ARAP2: variants seen among roughly 807,000 people sequenced by gnomAD.
ARAP2 encodes arf-GAP with Rho-GAP domain, ANK repeat and PH domain-containing protein 2.
ARAP2 carries 148 observed loss-of-function variants against 194.5 expected under a neutral mutation model. The ratio of observed to expected loss-of-function variants is 0.76; its 90% confidence interval spans 0.67 to 0.87. The LOEUF (loss-of-function observed/expected upper bound fraction) is 0.87, where lower values mean the gene tolerates loss of function less well. Among genes scored for constraint, ARAP2 ranks in the 40% least tolerant of loss-of-function variants. ARAP2 has a pLI of 0.00. For synonymous variants in ARAP2, 695 were observed against 683.5 expected (o/e 1.02, Z -0.26); for missense variants, 2,128 against 1,989.7 (o/e 1.07, Z -1.32).
chr4:36,219,067 AAAC>A (rs1265590778), intron 2 of ARAP2, among the ~76,000 whole-genome samples: 3 of 152,328 alleles, frequency 2.0e-5, no homozygotes, highest in African/African-American at 7.2e-5. Context: ...GGCTAACAAA[AAAC>A]ACACAAATGT....
Position 36,133,258 on chromosome 4 carries a change from A to G in ARAP2, c.3395T>C (p.Val1132Ala), listed in dbSNP as rs1725855357. 4.3e-6 allele frequency: 7 copies of G among 1,611,066 alleles called. No homozygotes were observed. The highest frequency in any genetic ancestry group is 5.9e-6 in the Non-Finnish European group (7 of 1,178,110). The change falls in exon 20 of 33, where the codon GTG becomes GCG. Residue 1132 changes from valine to alanine, a missense_variant. Physicochemically the swap from Val to Ala is moderately conservative, Grantham distance 64. Coordinates refer to ENST00000303965, the MANE Select transcript of ARAP2 (RefSeq NM_015230.4). ...TGTAACAAATGCTATACAGCTGTTCACTATAATGGGAACGTCATTTTTGCT... is the reference window on the plus strand; with the variant it reads ...TGTAACAAATGCTATACAGCTGTTCGCTATAATGGGAACGTCATTTTTGCT... ...QLSKNDVPII[V>A]NSCIAFVTQY...
intron 1 of ARAP2, among the ~76,000 whole-genome samples, chr4:36,238,811 C>T (rs949972668): frequency 6.6e-6 from 1 of 152,150 alleles, no homozygotes; most frequent in Non-Finnish European, 1.5e-5. Context: ...TCTATCACTG[C>T]AGAAAGACAG....
At chr4:36,115,817 T>C (rs1348413202) in intron 25 of ARAP2, among the ~76,000 whole-genome samples, 2 of 152,042 alleles carry the variant, frequency 1.3e-5, no homozygotes, top group African/African-American at 4.8e-5. Context: ...TGGTTTTAAA[T>C]AGTTTTTGTT....
intron 6 of ARAP2, among the ~76,000 whole-genome samples, chr4:36,201,433 A>T (rs948126310): frequency 3.3e-5 from 5 of 152,222 alleles, no homozygotes; most frequent in Admixed American, 2.6e-4. Flanking sequence ...TCCTTCAGGA[A>T]AAAAGGTAAA....
At chr4:36,077,132 A>C (rs1282552374) in intron 31 of ARAP2, among the ~76,000 whole-genome samples, 1 of 152,084 alleles carries the variant, frequency 6.6e-6, no homozygotes, top group African/African-American at 2.4e-5. Context: ...GACATTTTCA[A>C]AATGGTGGCT....
At chr4:36,130,610 C>T (rs1049633403) in intron 20 of ARAP2, among the ~76,000 whole-genome samples, 1 of 151,870 alleles carries the variant, frequency 6.6e-6, no homozygotes, top group African/African-American at 2.4e-5. Context: ...ACCAGTAGCA[C>T]CCCCTGAACC....
At chr4:36,233,131 T>C (rs1285634122) in intron 1 of ARAP2, among the ~76,000 whole-genome samples, 1 of 152,194 alleles carries the variant, frequency 6.6e-6, no homozygotes, top group Non-Finnish European at 1.5e-5. Flanking sequence ...GTCTGACATT[T>C]TAACTGTCTG....
chr4:36,237,597 T>C (rs531971734), intron 1 of ARAP2, among the ~76,000 whole-genome samples: 48 of 152,324 alleles, frequency 3.2e-4, no homozygotes, highest in Middle Eastern at 3.4e-3. Flanking sequence ...GCATCTGATA[T>C]GCTAGCTTCC....
Position 36,209,056 on chromosome 4 carries a change from C to G in ARAP2, c.1487+1334G>C, listed in dbSNP as rs77117717. Among the ~76,000 whole-genome samples the G allele has an allele frequency of 5.4e-3, 823 of 152,212 alleles. 7 individuals are homozygous for G. Among genetic ancestry groups the G allele is most frequent in the African/African-American group, 0.019 (786 of 41,532 alleles). ...TGCCTGGAGCATAAACAGACCAACC[C>G]TGTAAAGAGCAAGATCTCACCTGGG... is the stretch of plus-strand genomic sequence containing the variant. On this transcript the variant is annotated intron_variant, in intron 6 of 32. Coordinates refer to ENST00000303965, the MANE Select transcript of ARAP2 (RefSeq NM_015230.4).
At chr4:36,094,258 T>C (rs902587678) in intron 27 of ARAP2, among the ~76,000 whole-genome samples, 1 of 152,186 alleles carries the variant, frequency 6.6e-6, no homozygotes, top group Admixed American at 6.6e-5. Context: ...ATTAGTCCTA[T>C]AAAAATAAAG....
At chr4:36,141,631 A>T (rs1728335234) in intron 19 of ARAP2, among the ~76,000 whole-genome samples, 1 of 151,722 alleles carries the variant, frequency 6.6e-6, no homozygotes, top group Non-Finnish European at 1.5e-5. Flanking sequence ...TTTAAGAAAC[A>T]TTAATGTAGT....
intron 8 of ARAP2, among the ~76,000 whole-genome samples, chr4:36,182,274 C>T (rs1450872292): frequency 1.3e-5 from 2 of 152,116 alleles, no homozygotes; most frequent in Non-Finnish European, 2.9e-5. Context: ...TGGCAAATCA[C>T]GAGGTCAGGA....
intron 28 of ARAP2, among the ~76,000 whole-genome samples, chr4:36,087,030 T>G (rs1712056474): frequency 1.3e-5 from 2 of 152,098 alleles, no homozygotes; most frequent in East Asian, 3.8e-4. Flanking sequence ...TTTGTAATTT[T>G]TCCTCCCTTT....
chr4:36,169,226 G>C (rs560931112), intron 9 of ARAP2, among the ~76,000 whole-genome samples: 2 of 152,152 alleles, frequency 1.3e-5, no homozygotes, highest in Admixed American at 6.5e-5. Context: ...CCTCCATAAT[G>C]AGGCATTTGA....
At chr4:36,171,566 T>C (rs1736642734) in intron 9 of ARAP2, among the ~76,000 whole-genome samples, 1 of 152,036 alleles carries the variant, frequency 6.6e-6, no homozygotes, top group South Asian at 2.1e-4. Context: ...ATATACCTGA[T>C]GCTAAATGAT....
intron 11 of ARAP2, among the ~76,000 whole-genome samples, chr4:36,164,165 T>C (rs1040922322): frequency 1.3e-5 from 2 of 152,136 alleles, no homozygotes; most frequent in Admixed American, 1.3e-4. Flanking sequence ...TTGAGTTGAA[T>C]TCTCTCTCTC....
In ARAP2 at chr4:36,212,499, GCAAA is replaced by G. The variant is rs1410363862; in HGVS notation, c.1042-16_1042-13del. On this transcript the variant is annotated splice_polypyrimidine_tract_variant and intron_variant, in intron 4 of 32. Coordinates refer to ENST00000303965, the MANE Select transcript of ARAP2 (RefSeq NM_015230.4). ...TTTATAGATCGCTTCTATTAAAAAA[GCAAA>G]CAAACAAAAAACACATACTGTTTTG... 3 of 1,599,146 alleles carry G rather than the reference GCAAA, an allele frequency of 1.9e-6. No homozygotes were observed. Among genetic ancestry groups the G allele is most frequent in the Non-Finnish European group, 2.6e-6 (3 of 1,168,832 alleles).
intron 5 of ARAP2, among the ~76,000 whole-genome samples, chr4:36,036,276 G>A (rs1336768232): frequency 1.3e-5 from 2 of 152,076 alleles, no homozygotes; most frequent in Non-Finnish European, 2.9e-5. Flanking sequence ...GAACCGGCAT[G>A]TTTACTAGTT....
In ARAP2 at chr4:36,049,365, C is replaced by G. The variant is rs573393482; in HGVS notation, n.370-2516G>C. ...TTTGGAGAAACACTCTTCCACAAAA[C>G]TCTACAGCAGGTGGCAAAACTGTTC... On this transcript the variant is annotated intron_variant and non_coding_transcript_variant, in intron 3 of 12. Transcript: ENST00000503225. 1.3e-3 allele frequency among the ~76,000 whole-genome samples: 205 copies of G among 152,260 alleles called. 2 individuals carry two copies. The highest frequency in any genetic ancestry group is 3.4e-3 in the Middle Eastern group (1 of 294).
Sources: allele counts gnomAD v4.1 joint callset (sites outside exome capture counted in the v4.1 genomes callset), GRCh38; gene constraint gnomAD v4.1.1; transcripts MANE v1.5; gene names NCBI Gene and HGNC (gene_info 2026-07-23, HGNC 2026-07-21).